Variants in MLPH observed in about 807,000 individuals in gnomAD.
The protein encoded by MLPH is melanophilin.
A neutral mutation model predicts 72.1 loss-of-function variants in MLPH; 51 were observed. The observed-to-expected ratio is 0.71, with a 90% confidence interval of 0.56 to 0.89. The LOEUF (loss-of-function observed/expected upper bound fraction) is 0.89, where lower values mean the gene tolerates loss of function less well. Among genes scored for constraint, MLPH ranks in the 40% least tolerant of loss-of-function variants. The pLI is 0.00. For synonymous variants in MLPH, 301 were observed against 310.1 expected, an observed-to-expected ratio of 0.97 and a Z score of 0.31; for missense variants, 743 against 759.9, an observed-to-expected ratio of 0.98 and a Z score of 0.26.
intron 2 of MLPH, among the ~76,000 whole-genome samples, chr2:237,501,160 G>A (rs113938335): frequency 0.011 from 1,735 of 152,172 alleles, 24 homozygotes; most frequent in African/African-American, 0.039. Context: ...ATCCCTGCCG[G>A]CATCTAAGCC....
chr2:237,533,896 T>C (rs985586298), intron 8 of MLPH, among the ~76,000 whole-genome samples: 5 of 152,184 alleles, frequency 3.3e-5, no homozygotes, highest in African/African-American at 1.2e-4. Context: ...GACCAAACAA[T>C]ACAAAAGCAT....
intron 15 of MLPH, 86 bp from the exon 16 acceptor site, chr2:237,553,480 A>G (rs2081076843): frequency 2.4e-6 from 3 of 1,258,346 alleles, no homozygotes; most frequent in Non-Finnish European, 3.4e-6. Flanking sequence ...ACACCTGTGT[A>G]TTTGTATGTG....
At chr2:237,498,577 C>T (rs759162546) in intron 2 of MLPH, among the ~76,000 whole-genome samples, 1 of 152,246 alleles carries the variant, frequency 6.6e-6, no homozygotes, top group African/African-American at 2.4e-5. Context: ...TCCCTCCAAG[C>T]TGTGCTGTGG....
chr2:237,517,221 G>A (rs1030627404), intron 4 of MLPH, among the ~76,000 whole-genome samples: 85 of 151,574 alleles, frequency 5.6e-4, no homozygotes, highest in Admixed American at 9.8e-4. Context: ...ATGGATAGAC[G>A]AATGGATGGA....
chr2:237,538,497 G>C (rs2080587516), intron 9 of MLPH, among the ~76,000 whole-genome samples: 1 of 152,226 alleles, frequency 6.6e-6, no homozygotes, highest in African/African-American at 2.4e-5. Context: ...CGGGTAACCA[G>C]GAGCTGCCCT....
intron 2 of MLPH, among the ~76,000 whole-genome samples, chr2:237,498,796 CTGT>C (rs2079588463): frequency 6.6e-6 from 1 of 152,230 alleles, no homozygotes; most frequent in Non-Finnish European, 1.5e-5. Flanking sequence ...GGACACAGTG[CTGT>C]GCACCATAGA....
intron 2 of MLPH, among the ~76,000 whole-genome samples, chr2:237,497,191 G>A (rs899992760): frequency 3.7e-4 from 57 of 152,272 alleles, no homozygotes; most frequent in African/African-American, 1.3e-3. Context: ...GGCAGGAGGC[G>A]GAGCTCAGGC....
rs1287754170 is a variant in MLPH at position 237,493,456 on chromosome 2, C to G, written c.30C>G (p.Leu10=). The part of the protein sequence containing the change: MGKKLDLSK[L]TDEEAQHVLE... ...GGAAGAAACTGGATCTTTCCAAGCT[C>G]ACTGATGAAGAGGCCCAGCATGTCT... The change falls in exon 2 of 16, where the codon CTC becomes CTG. Residue 10 remains leucine (L), a synonymous_variant. Transcript: ENST00000264605. 1 of 1,614,070 alleles carries G rather than the reference C, an allele frequency of 6.2e-7. No homozygotes were observed. The highest frequency in any genetic ancestry group is 1.7e-5 in the Admixed American group (1 of 60,018).
intron 12 of MLPH, chr2:237,545,774 T>G: frequency 1.7e-6 from 1 of 597,572 alleles, no homozygotes; most frequent in South Asian, 2.7e-5. Context: ...TGACGGAAAA[T>G]ACAGGATGCC....
rs538541797 is a variant in MLPH, at chr2:237,506,719, G to C, written c.111-3855G>C. 6.6e-5 allele frequency among the ~76,000 whole-genome samples: 10 copies of C among 152,322 alleles called. No homozygotes were observed. In the South Asian group the frequency reaches 2.1e-3, roughly 32 times the overall value. ...TCTTTAACTACCAGGCCCAGGGTGT[G>C]GCGCTGGGCTGTCTGCCTGTGGATT... On this transcript the variant is annotated intron_variant, in intron 2 of 15. Transcript: ENST00000264605.
rs983845651 is a variant in MLPH, at chr2:237,542,495, T to TA, written c.1447-72_1447-71insA. Reference sequence around the variant, plus strand: ...GGACTGAGCTGGGGGCAGCTGCTCTTTCTGTCCATGACTTTGAGGCGGGAT... The same window carrying TA: ...GGACTGAGCTGGGGGCAGCTGCTCTTATCTGTCCATGACTTTGAGGCGGGAT... On this transcript the variant is annotated intron_variant, in intron 11 of 15. Transcript: ENST00000264605. The TA allele has an allele frequency of 2.4e-6, 3 of 1,266,874 alleles. No individual in the cohort carries two copies. The African/African-American group carries it at 4.4e-5, about 19-fold the overall frequency. The allele number at this position is 1,266,874 out of a possible 1,614,324, so 78.5% of individuals were successfully genotyped here. A position where few individuals can be genotyped will look rare whatever the true frequency, so the allele number is the denominator to read the frequency against.
At chr2:237,545,395 G>C (rs1473270902) in intron 12 of MLPH, 2 of 1,237,528 alleles carry the variant, frequency 1.6e-6, no homozygotes, top group African/African-American at 1.6e-5. Context: ...TAGCCAGTTA[G>C]CCAGCTGTGC....
At chr2:237,507,676 G>A (rs972430865) in intron 2 of MLPH, among the ~76,000 whole-genome samples, 1 of 152,148 alleles carries the variant, frequency 6.6e-6, no homozygotes, top group African/African-American at 2.4e-5. Context: ...TCCCAGTGTT[G>A]CAAACTGTCA....
chr2:237,525,405 T>C (rs1165278154), intron 6 of MLPH, among the ~76,000 whole-genome samples, 196 bp from the exon 7 acceptor site: 1 of 152,150 alleles, frequency 6.6e-6, no homozygotes, highest in Non-Finnish European at 1.5e-5. Context: ...AGGCAACAAA[T>C]AGGCAATATA....
At chr2:237,503,614 A>G (rs2079700168) in intron 2 of MLPH, among the ~76,000 whole-genome samples, 1 of 151,976 alleles carries the variant, frequency 6.6e-6, no homozygotes, top group African/African-American at 2.4e-5. Context: ...GACTCACTGG[A>G]TCTTTTGTGC....
chr2:237,487,819 C>T (rs1264721837), intron 1 of MLPH, among the ~76,000 whole-genome samples: 2 of 152,234 alleles, frequency 1.3e-5, no homozygotes, highest in East Asian at 3.9e-4. Context: ...GAAAGGTTTC[C>T]TCCCAGCCCA....
At chr2:237,494,046 C>A (rs143673758) in intron 2 of MLPH, among the ~76,000 whole-genome samples, 3 of 152,190 alleles carry the variant, frequency 2.0e-5, no homozygotes, top group Admixed American at 6.5e-5. Flanking sequence ...CTATCCACTG[C>A]GCATCTTCCT....
chr2:237,521,791 G>A (rs10174210), intron 6 of MLPH, among the ~76,000 whole-genome samples: 1,340 of 85,566 alleles, frequency 0.016, 19 homozygotes, highest in Middle Eastern at 0.062. Flanking sequence ...CACCTGCTAT[G>A]ACTATAGTGC....
chr2:237,515,325 G>GAGCT (rs2079991849), intron 4 of MLPH, among the ~76,000 whole-genome samples: 2 of 152,136 alleles, frequency 1.3e-5, no homozygotes, highest in African/African-American at 4.8e-5. Context: ...CCAGGTGCCG[G>GAGCT]GTCCTGGGCT....
Sources: gnomAD v4.1 joint callset for allele counts (sites outside exome capture counted in the v4.1 genomes callset) on GRCh38, gnomAD v4.1.1 for gene constraint, MANE v1.5 for transcripts, NCBI Gene and HGNC (gene_info 2026-07-23, HGNC 2026-07-21) for gene names.